The following ABCA5 variants were observed in gnomAD, a reference collection of about 807,000 sequenced individuals.
The protein encoded by ABCA5 is cholesterol transporter ABCA5.
A neutral mutation model predicts 206.0 loss-of-function variants in ABCA5; 163 were observed. The observed-to-expected ratio is 0.79, with a 90% confidence interval of 0.70 to 0.90. ABCA5 has a LOEUF of 0.90. Ranked by LOEUF, ABCA5 falls within the 40% of genes least tolerant of loss-of-function variation. The pLI, the probability that ABCA5 is intolerant of heterozygous loss-of-function variation, is 0.00. For synonymous variants in ABCA5, 609 were observed against 613.8 expected, an observed-to-expected ratio of 0.99 and a Z score of 0.11; for missense variants, 1,859 against 1,912.9, an observed-to-expected ratio of 0.97 and a Z score of 0.53.
At chr17:69,290,910 G>C (rs1383890661) in intron 12 of ABCA5, among the ~76,000 whole-genome samples, 1 of 151,968 alleles carries the variant, frequency 6.6e-6, no homozygotes, top group Non-Finnish European at 1.5e-5. Flanking sequence ...ATAGTCTATA[G>C]TTCTGATTTA....
intron 1 of ABCA5, among the ~76,000 whole-genome samples, chr17:69,324,087 C>CA (rs2075883155): frequency 2.0e-5 from 3 of 151,936 alleles, no homozygotes. Flanking sequence ...TGGCACTTTA[C>CA]AAAAAACGTT....
At chr17:69,311,473 T>G (rs1193332100) in intron 3 of ABCA5, among the ~76,000 whole-genome samples, 1 of 152,062 alleles carries the variant, frequency 6.6e-6, no homozygotes, top group Non-Finnish European at 1.5e-5. Flanking sequence ...GTTTTTTGTT[T>G]GTTTGTTCTT....
rs1394226004 is a variant in ABCA5, at chr17:69,246,441, C to T, written c.*1096G>A. The T allele has an allele frequency of 3.3e-5, 5 of 151,970 alleles. No homozygotes were observed. In the East Asian group the frequency reaches 9.6e-4, roughly 29 times the overall value. 9.4% of individuals were successfully genotyped at this position (151,970 alleles called of 1,614,324 possible). On this transcript the variant is annotated 3_prime_UTR_variant, in exon 39 of 39. Coordinates refer to ENST00000392676, the MANE Select transcript of ABCA5 (RefSeq NM_172232.4). ...TATTTCTAAGAAAATATTAGCCATG[C>T]CTTTAACTCTATCAAAAATGAAATT...
intron 1 of ABCA5, chr17:69,319,088 C>G: frequency 3.7e-6 from 1 of 268,122 alleles, no homozygotes. Flanking sequence ...CTGTAATGGT[C>G]AATAAATAAA....
At position 69,297,444 on chromosome 17, in the gene ABCA5, A is replaced by C. The variant is rs1037300595; in HGVS notation, c.1268-85T>G. The C allele has an allele frequency of 4.0e-5, 51 of 1,269,290 alleles. No homozygotes were observed. In the Middle Eastern group the frequency reaches 7.6e-4, roughly 19 times the overall value. 78.6% of individuals were successfully genotyped at this position (1,269,290 alleles called of 1,614,324 possible). ...GCATTTCAAACATATGACAACCTGC[A>C]TCTAAAGTTTAGGTACCATTCCGCA... On this transcript the variant is annotated intron_variant, in intron 9 of 38. Transcript: ENST00000392676.
At chr17:69,248,564 T>C (rs981949135) in intron 37 of ABCA5, 2 of 276,544 alleles carry the variant, frequency 7.2e-6, no homozygotes, top group Non-Finnish European at 1.4e-5. Context: ...TTCTCCTCCA[T>C]TATCTTTTTC....
At chr17:69,276,586 T>G (rs1454962362) in intron 19 of ABCA5, among the ~76,000 whole-genome samples, 1 of 152,078 alleles carries the variant, frequency 6.6e-6, no homozygotes, top group East Asian at 1.9e-4. Flanking sequence ...TTCTCACTCA[T>G]AAGTGGGAGC....
chr17:69,284,402 C>A (rs867311933), intron 17 of ABCA5, among the ~76,000 whole-genome samples: 3 of 151,844 alleles, frequency 2.0e-5, no homozygotes, highest in Admixed American at 6.6e-5. Context: ...GGGAATATAT[C>A]TATTATCATA....
At position 69,291,202 on chromosome 17, in the gene ABCA5, G is replaced by T; in HGVS notation, c.1606+14C>A. 2 of 1,514,078 alleles carry T rather than the reference G, an allele frequency of 1.3e-6. No homozygotes were observed. The highest frequency in any genetic ancestry group is 1.8e-6 in the Non-Finnish European group (2 of 1,118,938). The allele number at this position is 1,514,078 out of a possible 1,614,324, so 93.8% of individuals were successfully genotyped here. ...TATAATGAAGTTTTTTTTTCTTTAAGACAGAAAACTCACCATCAGAAGGTG... is the reference window on the plus strand; with the variant it reads ...TATAATGAAGTTTTTTTTTCTTTAATACAGAAAACTCACCATCAGAAGGTG... On this transcript the variant is annotated intron_variant, in intron 12 of 38. Transcript: ENST00000392676.
chr17:69,315,091 G>A (rs1437880707), intron 1 of ABCA5: 1 of 152,210 alleles, frequency 6.6e-6, no homozygotes, highest in Non-Finnish European at 1.5e-5. Flanking sequence ...CAGCCACAGG[G>A]AAGCAAAAAG....
chr17:69,303,786 A>ATATATATATATG (rs2145016240), intron 7 of ABCA5, among the ~76,000 whole-genome samples: 1 of 4,642 alleles, frequency 2.2e-4, no homozygotes, highest in Non-Finnish European at 5.2e-3. Flanking sequence ...AAAAAAAAAA[A>ATATATATATATG]TATATATATA....
At chr17:69,274,163 A>C in intron 19 of ABCA5, 35 bp from the exon 20 acceptor site, 1 of 1,512,082 alleles carries the variant, frequency 6.6e-7, no homozygotes, top group Non-Finnish European at 8.8e-7. Context: ...AGCTCAGGGT[A>C]CAAAGGTACA....
intron 14 of ABCA5, among the ~76,000 whole-genome samples, chr17:69,288,205 A>C (rs1185289001): frequency 6.6e-6 from 1 of 152,152 alleles, no homozygotes; most frequent in East Asian, 1.9e-4. Flanking sequence ...ACATAAAGCC[A>C]GGATCCAGAA....
chr17:69,321,622 G>A (rs968974792), intron 1 of ABCA5, among the ~76,000 whole-genome samples: 1 of 152,132 alleles, frequency 6.6e-6, no homozygotes, highest in Non-Finnish European at 1.5e-5. Context: ...CTCACTAGCA[G>A]CTGAGTTAAT....
chr17:69,270,187 T>G (rs868462173), intron 22 of ABCA5, among the ~76,000 whole-genome samples: 1 of 152,132 alleles, frequency 6.6e-6, no homozygotes, highest in Non-Finnish European at 1.5e-5. Context: ...TCAAAAGGAT[T>G]AAGAGAAAAT....
rs1317566962 is a variant in ABCA5, at chr17:69,310,335, G to A, written c.308-912C>T. Among the ~76,000 whole-genome samples the A allele has an allele frequency of 2.6e-5, 4 of 152,012 alleles. No homozygotes were observed. The South Asian group carries it at 8.3e-4, about 32-fold the overall frequency. On this transcript the variant is annotated intron_variant, in intron 3 of 38. Coordinates refer to ENST00000392676, the MANE Select transcript of ABCA5 (RefSeq NM_172232.4). ...TTTTTAATTTTGGTAGAAATGAGGT[G>A]TCACTACATTACCCAAGCTGGTCTT...
At position 69,251,761 on chromosome 17, in the gene ABCA5, C is replaced by T. The variant is rs199848425; in HGVS notation, c.4521G>A (p.Val1507=). 3.3e-5 allele frequency: 53 copies of T among 1,613,940 alleles called. No individual in the cohort carries two copies. The East Asian group carries it at 9.4e-4, about 29-fold the overall frequency. The stretch of plus-strand genomic sequence containing the variant: ...TAGACATCAACCTTAACTGCCCAGA[C>T]ACCATGATAGCTACTCGATCACAGA... The part of the protein sequence containing the change: ...EAVCDRVAIM[V]SGQLRCIGTV... Residue 1507 remains valine (V), a synonymous_variant, in exon 35 of 39, where the codon GTG becomes GTA. Transcript: ENST00000392676.
intron 9 of ABCA5, among the ~76,000 whole-genome samples, chr17:69,298,401 T>C (rs2075615442): frequency 6.7e-6 from 1 of 148,658 alleles, no homozygotes; most frequent in Non-Finnish European, 1.5e-5. Flanking sequence ...CATGTTCCAT[T>C]TTCTCCCTTT....
At chr17:69,325,668 C>G (rs901355274) in intron 1 of ABCA5, 1 of 152,148 alleles carries the variant, frequency 6.6e-6, no homozygotes, top group Non-Finnish European at 1.5e-5. Context: ...TATAGCAAGA[C>G]TTCGTCTCTG....
Sources: gnomAD v4.1 joint callset for allele counts (sites outside exome capture counted in the v4.1 genomes callset) on GRCh38, gnomAD v4.1.1 for gene constraint, MANE v1.5 for transcripts, NCBI Gene and HGNC (gene_info 2026-07-23, HGNC 2026-07-21) for gene names.